The following VSIG10 variants were observed in gnomAD, a reference collection of about 807,000 sequenced individuals.
The protein encoded by VSIG10 is V-set and immunoglobulin domain-containing protein 10.
In VSIG10, 48 loss-of-function variants were observed where a neutral mutation model predicts 58.7. The ratio of observed to expected loss-of-function variants is 0.82; its 90% CI spans 0.65 to 1.04. The LOEUF is 1.04. VSIG10 is among the 50% of genes least tolerant of loss of function. The probability of loss-of-function intolerance (pLI) is 0.00; values close to 1 mark genes in which losing one functional copy is unlikely to be tolerated. For missense variants in VSIG10, 628 were observed against 670.0 expected, an observed-to-expected ratio of 0.94 and a Z score of 0.69; for synonymous variants, 260 against 267.1, an observed-to-expected ratio of 0.97 and a Z score of 0.26.
chr12:118,101,549 G>A (rs1176605609), intron 1 of VSIG10: 3 of 152,090 alleles, frequency 2.0e-5, no homozygotes, highest in South Asian at 4.2e-4. Context: ...GAACCGAAGA[G>A]GGAGTAATAT....
chr12:118,069,707 G>A lies in VSIG10; in HGVS notation c.1347-1110C>T, dbSNP rs143311893. Reference sequence around the variant, plus strand: ...CTCCCAAAGTGCTGGGATTACAGGCGTGAGCCACTGCACCCGGCCTGGACT... The same window carrying A: ...CTCCCAAAGTGCTGGGATTACAGGCATGAGCCACTGCACCCGGCCTGGACT... On this transcript the variant is annotated intron_variant, in intron 7 of 8. Coordinates refer to ENST00000359236, the MANE Select transcript of VSIG10 (RefSeq NM_019086.6). Among the ~76,000 whole-genome samples the A allele has an allele frequency of 7.4e-3, 1,126 of 151,876 alleles. 9 individuals are homozygous for A. Among genetic ancestry groups the A allele is most frequent in the Middle Eastern group, 0.017 (5 of 290 alleles).
At chr12:118,097,773 C>T (rs1253859308) in intron 1 of VSIG10, among the ~76,000 whole-genome samples, 1 of 151,516 alleles carries the variant, frequency 6.6e-6, no homozygotes, top group African/African-American at 2.4e-5. Context: ...AATACAAAAA[C>T]TTAGCTGGGC....
intron 7 of VSIG10, among the ~76,000 whole-genome samples, chr12:118,070,022 AG>A: frequency 6.6e-6 from 1 of 152,270 alleles, no homozygotes; most frequent in East Asian, 1.9e-4. Flanking sequence ...CCTCCAATAC[AG>A]GGCAGTAAAG....
chr12:118,089,713 G>A (rs1346942493), intron 2 of VSIG10, among the ~76,000 whole-genome samples: 4 of 152,258 alleles, frequency 2.6e-5, no homozygotes, highest in African/African-American at 7.2e-5. Flanking sequence ...AGAATTGGCA[G>A]AAACCTTAGA....
Position 118,079,328 on chromosome 12 carries a change from A to T in VSIG10, c.925+18T>A. 3 of 1,609,834 alleles carry T rather than the reference A, an allele frequency of 1.9e-6. No homozygotes were observed. The South Asian group carries it at 3.3e-5, about 18-fold the overall frequency. On this transcript the variant is annotated intron_variant, in intron 4 of 8. Transcript: ENST00000359236. ...GGCAGGGAAACTCCAACCCCAAGAC[A>T]AAGCAAAACAGACTCACTGATCTGC...
At chr12:118,099,497 A>T (rs1036647733) in intron 1 of VSIG10, among the ~76,000 whole-genome samples, 1 of 152,122 alleles carries the variant, frequency 6.6e-6, no homozygotes, top group Non-Finnish European at 1.5e-5. Flanking sequence ...TTAGACTGTC[A>T]CTAGGTAACA....
chr12:118,068,023 C>CTTTTTTTTTTTTTTTTTTT (rs371999216), intron 8 of VSIG10, among the ~76,000 whole-genome samples: 1 of 85,500 alleles, frequency 1.2e-5, no homozygotes. Flanking sequence ...GGTTTGTGGG[C>CTTTTTTTTTTTTTTTTTTT]TTTTTTTTTT....
In VSIG10 at chr12:118,068,369, G is replaced by A. The variant is rs149540601; in HGVS notation, c.1567+8C>T. 1 of 1,612,126 alleles carries A rather than the reference G, an allele frequency of 6.2e-7. No homozygotes were observed. Among genetic ancestry groups the A allele is most frequent in the Non-Finnish European group, 8.5e-7 (1 of 1,179,060 alleles). On this transcript the variant is annotated splice_region_variant and intron_variant, in intron 8 of 8. Transcript: ENST00000359236. The stretch of plus-strand genomic sequence containing the variant: ...TTCTGTTTGTTTGTTTAAGGAAAAA[G>A]AGCTTACCTTGAAGATCCTGGAATC...
Position 118,103,818 on chromosome 12 carries a change from T to C in VSIG10, c.-147A>G. On this transcript the variant is annotated 5_prime_UTR_variant, in exon 1 of 9. Transcript: ENST00000359236. The stretch of plus-strand genomic sequence containing the variant: ...CCACTTCCTCGGCCCCCAGGAAGGA[T>C]GCTTGGCTGAGCCGAGTGTCCAGGG... 1 of 760,996 alleles carries C rather than the reference T, an allele frequency of 1.3e-6. No homozygotes were observed. Among genetic ancestry groups the C allele is most frequent in the Non-Finnish European group, 1.9e-6 (1 of 522,372 alleles). The allele number at this position is 760,996 out of a possible 1,614,324, so 47.1% of individuals were successfully genotyped here.
intron 1 of VSIG10, among the ~76,000 whole-genome samples, 155 bp from the exon 2 acceptor site, chr12:118,095,969 A>C (rs1232912750): frequency 1.6e-5 from 2 of 123,862 alleles, no homozygotes; most frequent in Non-Finnish European, 3.2e-5. Context: ...TCTGTCGCCC[A>C]GGCTGGAGTG....
rs1375113058 is a variant in VSIG10 at position 118,067,905 on chromosome 12, T to C, written c.1567+472A>G. ...TGATTTTCATGTTGGTAGTTGATAGTAGTCTCAGGTTCTAGACTAAAGTTT... is the reference window on the plus strand; with the variant it reads ...TGATTTTCATGTTGGTAGTTGATAGCAGTCTCAGGTTCTAGACTAAAGTTT... On this transcript the variant is annotated intron_variant, in intron 8 of 8. Transcript: ENST00000359236. Among the ~76,000 whole-genome samples, 18 of 152,226 alleles carry C rather than the reference T, an allele frequency of 1.2e-4. No homozygotes were observed. The East Asian group carries it at 3.3e-3, about 28-fold the overall frequency.
intron 8 of VSIG10, among the ~76,000 whole-genome samples, chr12:118,068,080 G>A (rs1264121686): frequency 4.2e-5 from 6 of 142,792 alleles, no homozygotes; most frequent in African/African-American, 1.6e-4. Flanking sequence ...CCAGACTGGA[G>A]TGCAGTGGTG....
chr12:118,096,770 G>A (rs550992598), intron 1 of VSIG10, among the ~76,000 whole-genome samples: 9 of 151,040 alleles, frequency 6.0e-5, no homozygotes, highest in Admixed American at 5.9e-4. Context: ...TGGGCGTAGC[G>A]GCTCATGCCT....
At position 118,079,612 on chromosome 12, in the gene VSIG10, A is replaced by C; in HGVS notation, c.665-6T>G. Reference sequence around the variant, plus strand: ...GGGAGCTGATGGAGGGGGATCTGCAAAACACCAGAGGAAAGCATGGGCTGA... The same window carrying C: ...GGGAGCTGATGGAGGGGGATCTGCACAACACCAGAGGAAAGCATGGGCTGA... On this transcript the variant is annotated splice_polypyrimidine_tract_variant and splice_region_variant and intron_variant, in intron 3 of 8. Transcript: ENST00000359236. 6.2e-7 allele frequency: 1 copy of C among 1,613,752 alleles called. No individual in the cohort carries two copies. The highest frequency in any genetic ancestry group is 8.5e-7 in the Non-Finnish European group (1 of 1,179,804).
rs35019751 is a variant in VSIG10, at chr12:118,066,245, C to CAAAAAA, written c.*388_*393dup. ...TGGGCAATAGAGGGAGACTCCGTCT[C>CAAAAAA]AAAAAAAAAAAAAAAAAAAAAAAAA... On this transcript the variant is annotated 3_prime_UTR_variant, in exon 9 of 9. Transcript: ENST00000359236. The CAAAAAA allele has an allele frequency of 1.7e-4, 7 of 40,208 alleles. No homozygotes were observed. Among genetic ancestry groups the CAAAAAA allele is most frequent in the African/African-American group, 4.0e-4 (3 of 7,446 alleles). The allele number at this position is 40,208 out of a possible 1,614,324, so 2.5% of individuals were successfully genotyped here.
At position 118,065,660 on chromosome 12, in the gene VSIG10, A is replaced by C. The variant is rs537903013; in HGVS notation, c.*979T>G. The C allele has an allele frequency of 3.4e-4, 52 of 152,384 alleles. No individual in the cohort carries two copies. Among genetic ancestry groups the C allele is most frequent in the African/African-American group, 1.3e-3 (52 of 41,596 alleles). The allele number at this position is 152,384 out of a possible 1,614,324, so 9.4% of individuals were successfully genotyped here. A position where few individuals can be genotyped will look rare whatever the true frequency, so the allele number is the denominator to read the frequency against. On this transcript the variant is annotated 3_prime_UTR_variant, in exon 9 of 9. Transcript: ENST00000359236. ...CACTAGAGCAGATACGCAACTTTAA[A>C]GAGTACAAATTCAAGTCAGATTTTC...
intron 5 of VSIG10, among the ~76,000 whole-genome samples, chr12:118,072,771 G>A (rs751114792): frequency 6.6e-6 from 1 of 152,110 alleles, no homozygotes; most frequent in Non-Finnish European, 1.5e-5. Context: ...TACCTTTCGA[G>A]AGAGGCCCAA....
chr12:118,067,966 C>T (rs1031343878), intron 8 of VSIG10, among the ~76,000 whole-genome samples: 5 of 151,618 alleles, frequency 3.3e-5, no homozygotes, highest in African/African-American at 1.2e-4. Context: ...AAACTAAACT[C>T]ACCCCTTAGA....
At chr12:118,081,357 C>T (rs979839180) in intron 3 of VSIG10, among the ~76,000 whole-genome samples, 3 of 152,034 alleles carry the variant, frequency 2.0e-5, no homozygotes, top group African/African-American at 7.2e-5. Context: ...GACGGAGTCT[C>T]GCCCTGTCGC....
Sources: gnomAD v4.1 joint callset for allele counts (sites outside exome capture counted in the v4.1 genomes callset) on GRCh38, gnomAD v4.1.1 for gene constraint, MANE v1.5 for transcripts, NCBI Gene and HGNC (gene_info 2026-07-23, HGNC 2026-07-21) for gene names.